The following RIBC2 variants were observed in gnomAD, a reference collection of about 807,000 sequenced individuals.
The protein encoded by RIBC2 is RIB43A-like with coiled-coils protein 2.
A neutral mutation model predicts 44.3 loss-of-function variants in RIBC2; 40 were observed. That is an observed-to-expected ratio of 0.90 (90% CI 0.70 to 1.18). RIBC2 has a LOEUF of 1.18. Among genes scored for constraint, RIBC2 ranks in the 50% most tolerant of loss-of-function variants. The pLI is 0.00. For missense variants in RIBC2, 459 were observed against 485.5 expected (o/e 0.95, Z 0.51); for synonymous variants, 171 against 175.0 (o/e 0.98, Z 0.18).
chr22:45,419,270 G>T (rs2087454801), intron 3 of RIBC2, among the ~76,000 whole-genome samples: 1 of 151,934 alleles, frequency 6.6e-6, no homozygotes, highest in Non-Finnish European at 1.5e-5. Context: ...ATCAGCACGA[G>T]TCCAATAACT....
Position 45,413,792 on chromosome 22 carries a change from G to A in RIBC2, c.-95G>A, listed in dbSNP as rs547651264. On this transcript the variant is annotated 5_prime_UTR_variant, in exon 1 of 7. Coordinates refer to ENST00000614167, the MANE Select transcript of RIBC2 (RefSeq NM_015653.5). ...CTAAAGGCTTGTCTTTCCCCTGCCC[G>A]ACCGAAGGAGCCGACCTTGCCTGCG... 145 of 1,451,582 alleles carry A rather than the reference G, an allele frequency of 1.0e-4. No individual in the cohort carries two copies. The highest frequency in any genetic ancestry group is 1.8e-4 in the Admixed American group (7 of 38,678). 89.9% of individuals were successfully genotyped at this position (1,451,582 alleles called of 1,614,324 possible). A position where few individuals can be genotyped will look rare whatever the true frequency, so the allele number is the denominator to read the frequency against.
At chr22:45,420,019 A>C (rs566235055) in intron 3 of RIBC2, among the ~76,000 whole-genome samples, 1 of 152,268 alleles carries the variant, frequency 6.6e-6, no homozygotes, top group African/African-American at 2.4e-5. Flanking sequence ...GTGAGACTCC[A>C]TCTGAAACAA....
In RIBC2 at chr22:45,413,743, C is replaced by T. The variant is rs2272804; in HGVS notation, c.-144C>T. The T allele has an allele frequency of 2.4e-6, 3 of 1,268,770 alleles. No homozygotes were observed. Among genetic ancestry groups the T allele is most frequent in the Admixed American group, 5.2e-5 (2 of 38,334 alleles). 78.6% of individuals were successfully genotyped at this position (1,268,770 alleles called of 1,614,324 possible). ...GAGCGTCTGTACCTCTGCGGCGTCACTGGGAGCCCGACGGAAAACTGCGCT... is the reference window on the plus strand; with the variant it reads ...GAGCGTCTGTACCTCTGCGGCGTCATTGGGAGCCCGACGGAAAACTGCGCT... On this transcript the variant is annotated 5_prime_UTR_variant, in exon 1 of 7. Transcript: ENST00000614167.
In RIBC2 at chr22:45,416,963, G is replaced by A. The variant is rs186999175; in HGVS notation, c.212-639G>A. ...GTAACCCAGCCTGGAATGCAGCGGC[G>A]TGATCTTGGCTCGTAGCAACCTCTG... On this transcript the variant is annotated intron_variant, in intron 2 of 6. Transcript: ENST00000614167. Among the ~76,000 whole-genome samples, 120 of 146,264 alleles carry A rather than the reference G, an allele frequency of 8.2e-4. 3 individuals carry two copies. Among genetic ancestry groups the A allele is most frequent in the African/African-American group, 3.0e-3 (116 of 39,110 alleles).
rs2087436186 is a variant in RIBC2, at chr22:45,417,514, A to T, written c.212-88A>T. The T allele has an allele frequency of 1.7e-5, 19 of 1,118,850 alleles. No individual in the cohort carries two copies. In the South Asian group the frequency reaches 2.9e-4, roughly 17 times the overall value. 69.3% of individuals were successfully genotyped at this position (1,118,850 alleles called of 1,614,324 possible). ...GGCAACATAATGAGGCCCTATCTCT[A>T]AAAAAGTAAATAATAAAAAATAAAA... On this transcript the variant is annotated intron_variant, in intron 2 of 6. Coordinates refer to ENST00000614167, the MANE Select transcript of RIBC2 (RefSeq NM_015653.5).
chr22:45,431,167 C>T (rs1028410340), intron 6 of RIBC2, 101 bp downstream of exon 6: 2 of 1,365,064 alleles, frequency 1.5e-6, no homozygotes, highest in Non-Finnish European at 2.0e-6. Context: ...GGAAACACCC[C>T]GCCCTGGTGG....
At chr22:45,416,296 A>G (rs2087424190) in intron 2 of RIBC2, among the ~76,000 whole-genome samples, 2 of 151,248 alleles carry the variant, frequency 1.3e-5, no homozygotes, top group African/African-American at 4.9e-5. Flanking sequence ...GTCATTGTGG[A>G]CACTGCTGCA....
intron 3 of RIBC2, among the ~76,000 whole-genome samples, 160 bp from the exon 4 acceptor site, chr22:45,422,130 C>T (rs562569859): frequency 6.6e-6 from 1 of 152,310 alleles, no homozygotes; most frequent in African/African-American, 2.4e-5. Flanking sequence ...CATCTGGGAG[C>T]TTGACTCTCC....
At position 45,430,936 on chromosome 22, in the gene RIBC2, T is replaced by A. The variant is rs765123724; in HGVS notation, c.940T>A (p.Trp314Arg). Residue 314 changes from tryptophan to arginine, a missense_variant, in exon 6 of 7, where the codon TGG becomes AGG. Coordinates refer to ENST00000614167, the MANE Select transcript of RIBC2 (RefSeq NM_015653.5). ...AGAAAAGCGCCAGCGAGACCTGGAC[T>A]GGGACCGGCGGAGGATTCAGGGGGC... ...QEEKRQRDLD[W>R]DRRRIQGARA... 1 of 1,609,558 alleles carries A rather than the reference T, an allele frequency of 6.2e-7. No individual in the cohort carries two copies. The highest frequency in any genetic ancestry group is 8.5e-7 in the Non-Finnish European group (1 of 1,177,668).
chr22:45,429,051 C>CG (rs2087556975), intron 5 of RIBC2, among the ~76,000 whole-genome samples: 1 of 152,118 alleles, frequency 6.6e-6, no homozygotes, highest in Middle Eastern at 3.4e-3. Context: ...TCACACTTTG[C>CG]GGGGGGCATA....
intron 6 of RIBC2, 58 bp downstream of exon 6, chr22:45,431,124 T>C: frequency 6.5e-7 from 1 of 1,538,236 alleles, no homozygotes; most frequent in Non-Finnish European, 8.8e-7. Flanking sequence ...ACCGCGGGGC[T>C]GTGGAGGTCA....
intron 3 of RIBC2, among the ~76,000 whole-genome samples, chr22:45,421,541 A>ATAATAATAGTATTATTAATAATAGTAT (rs375074564): frequency 7.1e-5 from 2 of 28,016 alleles, no homozygotes; most frequent in Admixed American, 3.7e-4. Context: ...ATTATTAATA[A>ATAATAATAGTATTATTAATAATAGTAT]TATTAATAAT....
intron 2 of RIBC2, among the ~76,000 whole-genome samples, chr22:45,414,931 C>T (rs1399190354): frequency 6.6e-6 from 1 of 152,116 alleles, no homozygotes; most frequent in Non-Finnish European, 1.5e-5. Context: ...TTATACCAGA[C>T]AACACATATG....
intron 4 of RIBC2, among the ~76,000 whole-genome samples, chr22:45,424,387 AC>A (rs1206843373): frequency 5.4e-4 from 48 of 88,958 alleles, no homozygotes; most frequent in African/African-American, 4.4e-3. Flanking sequence ...GCCCGACCAC[AC>A]GGGGTGCAGA....
At chr22:45,420,012 A>G (rs1411171302) in intron 3 of RIBC2, among the ~76,000 whole-genome samples, 1 of 152,162 alleles carries the variant, frequency 6.6e-6, no homozygotes, top group Non-Finnish European at 1.5e-5. Flanking sequence ...GGTGAGAGTG[A>G]GACTCCATCT....
chr22:45,427,233 C>T (rs1215568036), intron 5 of RIBC2, among the ~76,000 whole-genome samples: 1 of 152,212 alleles, frequency 6.6e-6, no homozygotes, highest in East Asian at 1.9e-4. Flanking sequence ...GCTGGTATGG[C>T]AGCTCTGTGG....
rs146456797 is a variant in RIBC2, at chr22:45,425,396, A to C, written c.676-552A>C. On this transcript the variant is annotated intron_variant, in intron 4 of 6. Coordinates refer to ENST00000614167, the MANE Select transcript of RIBC2 (RefSeq NM_015653.5). ...CATCTCCTGACTTTACAGAGAAATG[A>C]CTGCAGCCCAGAGAGGGGAGGTGAC... 5.8e-3 allele frequency among the ~76,000 whole-genome samples: 880 copies of C among 152,320 alleles called. 11 individuals are homozygous for C. The highest frequency in any genetic ancestry group is 0.02 in the African/African-American group (834 of 41,564).
intron 1 of RIBC2, 58 bp from the exon 2 acceptor site, chr22:45,414,264 T>G (rs1415676936): frequency 6.6e-7 from 1 of 1,521,882 alleles, no homozygotes; most frequent in Non-Finnish European, 8.8e-7. Context: ...AGTAGGATTG[T>G]TATTACTGAA....
chr22:45,414,667 G>T (rs925583760), intron 2 of RIBC2, among the ~76,000 whole-genome samples: 1 of 152,068 alleles, frequency 6.6e-6, no homozygotes, highest in East Asian at 1.9e-4. Context: ...ATAAAAAGTT[G>T]TCATTTTCAC....
Sources: gnomAD v4.1 joint callset for allele counts (sites outside exome capture counted in the v4.1 genomes callset) on GRCh38, gnomAD v4.1.1 for gene constraint, MANE v1.5 for transcripts, NCBI Gene and HGNC (gene_info 2026-07-23, HGNC 2026-07-21) for gene names.